The following STAG1 variants were observed in gnomAD, a reference collection of about 807,000 sequenced individuals.
STAG1 encodes STAG1 cohesin complex component, also known as cohesin subunit SA-1.
In STAG1, 26 loss-of-function variants were observed where a neutral mutation model predicts 170.9. That is an observed-to-expected ratio of 0.15 (90% CI 0.11 to 0.21). STAG1 has a LOEUF of 0.21. STAG1 is among the 10% of genes least tolerant of loss of function. STAG1 has a pLI of 1.00. For synonymous variants in STAG1, 514 were observed against 497.7 expected (o/e 1.03, Z -0.44); for missense variants, 964 against 1,509.5 (o/e 0.64, Z 5.99).
rs115991953 is a variant in STAG1, at chr3:136,612,929, G to A, written c.133-8456C>T. 7.4e-3 allele frequency among the ~76,000 whole-genome samples: 1,133 copies of A among 152,242 alleles called. 17 individuals are homozygous for A. Among genetic ancestry groups the A allele is most frequent in the African/African-American group, 0.026 (1,080 of 41,528 alleles). ...GTATAACTGCTGGAACTTTGAGTAA[G>A]ACTATGTTTAGCTTTGTATGAAATT... On this transcript the variant is annotated intron_variant, in intron 3 of 33. Transcript: ENST00000383202.
At chr3:136,591,491 G>C in intron 4 of STAG1, 1 of 400,402 alleles carries the variant, frequency 2.5e-6, no homozygotes, top group Non-Finnish European at 4.9e-6. Context: ...AGGATCACTT[G>C]GGCCCAGAAG....
intron 1 of STAG1, among the ~76,000 whole-genome samples, chr3:136,751,666 C>A (rs1336176328): frequency 1.3e-5 from 2 of 152,264 alleles, no homozygotes; most frequent in East Asian, 1.9e-4. Flanking sequence ...CCAGGCCCCT[C>A]CGCTGAAATG....
At chr3:136,750,676 A>C (rs889283651) in intron 1 of STAG1, among the ~76,000 whole-genome samples, 13 of 152,370 alleles carry the variant, frequency 8.5e-5, no homozygotes, top group African/African-American at 3.1e-4. Flanking sequence ...TACGTTTTAA[A>C]TATGTAAAGG....
chr3:136,665,653 G>A (rs1008625370), intron 1 of STAG1, among the ~76,000 whole-genome samples: 2 of 151,160 alleles, frequency 1.3e-5, no homozygotes, highest in Non-Finnish European at 2.9e-5. Flanking sequence ...AGTGGCAGGC[G>A]CCTGTAGTCC....
At chr3:136,424,136 A>G (rs919957337) in intron 16 of STAG1, among the ~76,000 whole-genome samples, 4 of 151,934 alleles carry the variant, frequency 2.6e-5, no homozygotes, top group Non-Finnish European at 5.9e-5. Flanking sequence ...TCAATCTTTT[A>G]AGCATATAAA....
chr3:136,426,739 G>C (rs188050677), intron 16 of STAG1, among the ~76,000 whole-genome samples: 1 of 152,184 alleles, frequency 6.6e-6, no homozygotes, highest in Admixed American at 6.5e-5. Flanking sequence ...AGGAGTTCAA[G>C]AGCAGTTTGG....
intron 14 of STAG1, among the ~76,000 whole-genome samples, chr3:136,449,000 A>AT (rs1436558615): frequency 1.3e-5 from 2 of 152,154 alleles, no homozygotes; most frequent in Admixed American, 6.6e-5. Context: ...CTATTACAAA[A>AT]TTTTACCAAT....
At chr3:136,451,304 G>A (rs1004822185) in intron 14 of STAG1, among the ~76,000 whole-genome samples, 1 of 152,064 alleles carries the variant, frequency 6.6e-6, no homozygotes, top group African/African-American at 2.4e-5. Context: ...ATTGCTATGA[G>A]GCTCGTACAA....
intron 1 of STAG1, among the ~76,000 whole-genome samples, chr3:136,710,544 T>G (rs1001564055): frequency 6.6e-6 from 1 of 152,164 alleles, no homozygotes; most frequent in Non-Finnish European, 1.5e-5. Context: ...TTTCAAGTCT[T>G]TTTACTTCAC....
intron 1 of STAG1, among the ~76,000 whole-genome samples, chr3:136,744,322 C>T (rs1373104427): frequency 6.6e-6 from 1 of 152,052 alleles, no homozygotes; most frequent in Non-Finnish European, 1.5e-5. Flanking sequence ...GGCGAAACTC[C>T]GTCTCCAAAA....
At chr3:136,416,500 G>A (rs1414643392) in intron 21 of STAG1, among the ~76,000 whole-genome samples, 1 of 152,228 alleles carries the variant, frequency 6.6e-6, no homozygotes, top group Non-Finnish European at 1.5e-5. Context: ...TTTTGACACA[G>A]TAGATGAAAC....
intron 1 of STAG1, among the ~76,000 whole-genome samples, chr3:136,728,283 C>T (rs1250850600): frequency 6.6e-6 from 1 of 152,156 alleles, no homozygotes; most frequent in Non-Finnish European, 1.5e-5. Flanking sequence ...TACCACAATA[C>T]TTTTAGTTAA....
chr3:136,635,149 A>G (rs906894313), intron 1 of STAG1, among the ~76,000 whole-genome samples: 1 of 152,194 alleles, frequency 6.6e-6, no homozygotes, highest in Non-Finnish European at 1.5e-5. Context: ...TGTAACACCA[A>G]ACTACACAAA....
At chr3:136,718,703 T>C (rs1349112516) in intron 1 of STAG1, among the ~76,000 whole-genome samples, 1 of 152,072 alleles carries the variant, frequency 6.6e-6, no homozygotes, top group African/African-American at 2.4e-5. Context: ...GGTGGGTGGA[T>C]CACATGAGGT....
intron 6 of STAG1, among the ~76,000 whole-genome samples, chr3:136,523,665 T>C (rs899041592): frequency 6.6e-6 from 1 of 152,232 alleles, no homozygotes; most frequent in Non-Finnish European, 1.5e-5. Context: ...GTGAAGTCCT[T>C]GCCCATGCCT....
At chr3:136,629,735 T>C (rs1294679285) in intron 2 of STAG1, among the ~76,000 whole-genome samples, 1 of 152,112 alleles carries the variant, frequency 6.6e-6, no homozygotes, top group Non-Finnish European at 1.5e-5. Flanking sequence ...ATGAACTGAG[T>C]AGTAATAATA....
At chr3:136,436,615 TTC>T (rs2088470614) in intron 15 of STAG1, among the ~76,000 whole-genome samples, 1 of 151,990 alleles carries the variant, frequency 6.6e-6, no homozygotes, top group Non-Finnish European at 1.5e-5. Context: ...AATAGTTTAG[TTC>T]TTTCTTTCTC....
At chr3:136,589,400 G>A (rs1463531403) in intron 4 of STAG1, among the ~76,000 whole-genome samples, 9 of 152,058 alleles carry the variant, frequency 5.9e-5, no homozygotes, top group Admixed American at 3.3e-4. Context: ...AGCTACTTGG[G>A]AGGCTAATGC....
At chr3:136,668,265 TATACATA>T (rs981184719) in intron 1 of STAG1, among the ~76,000 whole-genome samples, 4 of 147,068 alleles carry the variant, frequency 2.7e-5, no homozygotes, top group Admixed American at 6.9e-5. Flanking sequence ...CATTATATAT[TATACATA>T]ATATATATTA....
Sources: gnomAD v4.1 joint callset for allele counts (sites outside exome capture counted in the v4.1 genomes callset) on GRCh38, gnomAD v4.1.1 for gene constraint, MANE v1.5 for transcripts, NCBI Gene and HGNC (gene_info 2026-07-23, HGNC 2026-07-21) for gene names.